DLG2: variants seen among roughly 807,000 people sequenced by gnomAD.
DLG2 encodes the protein disks large homolog 2.
In DLG2, 45 loss-of-function variants were observed where a neutral mutation model predicts 132.5. That is an observed-to-expected ratio of 0.34 (90% CI 0.27 to 0.44). The LOEUF is 0.44. Ranked by LOEUF, DLG2 falls within the 20% of genes least tolerant of loss-of-function variation. The pLI, the probability that DLG2 is intolerant of heterozygous loss-of-function variation, is 1.00. For synonymous variants in DLG2, 424 were observed against 419.6 expected (o/e 1.01, Z -0.13); for missense variants, 1,045 against 1,196.9 (o/e 0.87, Z 1.87).
At chr11:85,519,375 T>C (rs1320509702) in intron 3 of DLG2, among the ~76,000 whole-genome samples, 2 of 152,008 alleles carry the variant, frequency 1.3e-5, no homozygotes, top group Non-Finnish European at 2.9e-5. Flanking sequence ...AGACATGGAG[T>C]CAAAGGGGAT....
intron 10 of DLG2, 66 bp from the exon 11 acceptor site, chr11:84,059,550 T>C (rs573154697): frequency 8.1e-6 from 10 of 1,234,666 alleles, no homozygotes; most frequent in African/African-American, 1.6e-5. Context: ...AATATTATTA[T>C]GTTTATCTGA....
chr11:83,728,110 T>C (rs924498919), intron 18 of DLG2, among the ~76,000 whole-genome samples: 2 of 152,182 alleles, frequency 1.3e-5, no homozygotes, highest in Non-Finnish European at 2.9e-5. Context: ...TATGTCCCTC[T>C]GTTGCCACTG....
At chr11:84,438,806 A>G (rs1474273380) in intron 7 of DLG2, among the ~76,000 whole-genome samples, 1 of 152,240 alleles carries the variant, frequency 6.6e-6, no homozygotes, top group Non-Finnish European at 1.5e-5. Context: ...GTGGCACACA[A>G]ACTAGACTCA....
At chr11:85,081,607 T>C (rs944826525) in intron 6 of DLG2, among the ~76,000 whole-genome samples, 3 of 152,166 alleles carry the variant, frequency 2.0e-5, no homozygotes, top group East Asian at 3.9e-4. Flanking sequence ...GCTAAGGACA[T>C]TGAGGCAAGG....
chr11:85,275,019 C>A (rs1196338597), intron 4 of DLG2, among the ~76,000 whole-genome samples: 1 of 152,116 alleles, frequency 6.6e-6, no homozygotes, highest in African/African-American at 2.4e-5. Flanking sequence ...CGGGAAGATA[C>A]CCTATCCTTC....
chr11:85,390,826 T>C (rs1287668878), intron 3 of DLG2, among the ~76,000 whole-genome samples: 2 of 151,858 alleles, frequency 1.3e-5, no homozygotes, highest in East Asian at 1.9e-4. Flanking sequence ...TAAATGCCTA[T>C]ATCAAAAAGT....
At chr11:84,677,301 G>A (rs56313608) in intron 6 of DLG2, among the ~76,000 whole-genome samples, 2,218 of 152,080 alleles carry the variant, frequency 0.015, 61 homozygotes, top group African/African-American at 0.05. Context: ...ACTTATACCT[G>A]TTTATGAGAG....
At chr11:85,151,578 T>C (rs1193911906) in intron 5 of DLG2, among the ~76,000 whole-genome samples, 3 of 152,184 alleles carry the variant, frequency 2.0e-5, no homozygotes, top group Non-Finnish European at 4.4e-5. Context: ...TGGTATAAAG[T>C]AAGGGCCCAA....
chr11:83,657,341 T>C (rs2153534802), intron 18 of DLG2, among the ~76,000 whole-genome samples: 1 of 152,206 alleles, frequency 6.6e-6, no homozygotes, highest in East Asian at 1.9e-4. Context: ...TGGTATCCAT[T>C]AGTTGGTACA....
chr11:84,062,786 T>A (rs2096612088), intron 10 of DLG2, among the ~76,000 whole-genome samples: 1 of 151,804 alleles, frequency 6.6e-6, no homozygotes, highest in Non-Finnish European at 1.5e-5. Flanking sequence ...TAGTTTACAT[T>A]CAAATTCTCA....
chr11:85,403,673 G>A (rs1007976015), intron 3 of DLG2, among the ~76,000 whole-genome samples: 4 of 151,962 alleles, frequency 2.6e-5, no homozygotes, highest in South Asian at 4.2e-4. Context: ...ATGATATCAC[G>A]TTTTGGAAGG....
intron 6 of DLG2, among the ~76,000 whole-genome samples, chr11:84,763,565 T>C (rs2067958537): frequency 6.6e-6 from 1 of 152,158 alleles, no homozygotes; most frequent in Admixed American, 6.5e-5. Context: ...CATCAGCATC[T>C]TCTCCTAGAC....
At position 84,534,701 on chromosome 11, in the gene DLG2, G is replaced by C. The variant is rs2099351054; in HGVS notation, c.388C>G (p.His130Asp). The C allele has an allele frequency of 1.2e-6, 2 of 1,614,098 alleles. No individual in the cohort carries two copies. Among genetic ancestry groups the C allele is most frequent in the Non-Finnish European group, 1.7e-6 (2 of 1,179,946 alleles). Residue 130 changes from histidine to aspartate, a missense_variant, in exon 7 of 28, where the codon CAT (histidine) becomes GAT (aspartate). Physicochemically the swap from His to Asp is moderately conservative, Grantham distance 81 (BLOSUM62 -1). Coordinates refer to ENST00000376104, the MANE Select transcript of DLG2 (RefSeq NM_001142699.3). ...GTTAGTCGAGGTAAGGAATGATCAT[G>C]TGGAGCGTCCTCATCTTGATATCGA... ...KYRYQDEDAP[H>D]DHSLPRLTHE...
At chr11:83,630,456 T>C (rs1448722339) in intron 19 of DLG2, among the ~76,000 whole-genome samples, 1 of 152,212 alleles carries the variant, frequency 6.6e-6, no homozygotes, top group Non-Finnish European at 1.5e-5. Flanking sequence ...AGAAGGTGCT[T>C]GCTTTCTGAT....
At chr11:84,288,357 A>C (rs555314355) in intron 7 of DLG2, among the ~76,000 whole-genome samples, 5 of 152,190 alleles carry the variant, frequency 3.3e-5, no homozygotes, top group East Asian at 3.9e-4. Flanking sequence ...TATTAATGCT[A>C]TCAGGAAGGG....
chr11:83,930,001 C>T (rs1255904246), intron 15 of DLG2, among the ~76,000 whole-genome samples: 1 of 152,160 alleles, frequency 6.6e-6, no homozygotes, highest in African/African-American at 2.4e-5. Flanking sequence ...TTTCATCCTT[C>T]TGTATGAGTG....
chr11:84,818,877 A>G (rs781130916), intron 6 of DLG2, among the ~76,000 whole-genome samples: 1 of 151,842 alleles, frequency 6.6e-6, no homozygotes, highest in Non-Finnish European at 1.5e-5. Flanking sequence ...TTGAGCCACA[A>G]TGCCTTCTTC....
chr11:83,657,266 A>T (rs2072780354), intron 18 of DLG2, among the ~76,000 whole-genome samples: 1 of 150,688 alleles, frequency 6.6e-6, no homozygotes, highest in African/African-American at 2.5e-5. Flanking sequence ...TAGCTCACTA[A>T]CCCCATCAGC....
At chr11:84,383,704 T>C (rs1306498312) in intron 7 of DLG2, among the ~76,000 whole-genome samples, 1 of 152,016 alleles carries the variant, frequency 6.6e-6, no homozygotes, top group Admixed American at 6.6e-5. Flanking sequence ...CACAAGGAAA[T>C]ACATTCTGTT....
Sources: gnomAD v4.1 joint callset for allele counts (sites outside exome capture counted in the v4.1 genomes callset) on GRCh38, gnomAD v4.1.1 for gene constraint, MANE v1.5 for transcripts, NCBI Gene and HGNC (gene_info 2026-07-23, HGNC 2026-07-21) for gene names.